Variants in PRDM5 observed in about 807,000 individuals in gnomAD.
The protein encoded by PRDM5 is PR domain zinc finger protein 5.
Under a neutral mutation model 81.2 loss-of-function variants are expected in PRDM5, and 56 were observed. The observed-to-expected ratio is 0.69, with a 90% CI of 0.56 to 0.86. PRDM5 has a LOEUF of 0.86. Among genes scored for constraint, PRDM5 ranks in the 40% least tolerant of loss-of-function variants. PRDM5 has a pLI of 0.00. For missense variants in PRDM5, 697 were observed against 770.1 expected (o/e 0.91, Z 1.12); for synonymous variants, 267 against 256.4 (o/e 1.04, Z -0.39).
chr4:120,873,029 T>C (rs1761995410), intron 2 of PRDM5, among the ~76,000 whole-genome samples: 1 of 151,946 alleles, frequency 6.6e-6, no homozygotes, highest in South Asian at 2.1e-4. Flanking sequence ...TGAGACAGAG[T>C]CTTACTCCAT....
chr4:120,784,976 AACT>A lies in PRDM5; in HGVS notation c.1282+19_1282+21del. On this transcript the variant is annotated intron_variant, in intron 11 of 15. Transcript: ENST00000264808. ...GTATGAGATAATTCCTTATATTCTC[AACT>A]GCCTGAATCGTGACTTACTGTTATG... The A allele has an allele frequency of 6.5e-7, 1 of 1,541,218 alleles. No homozygotes were observed. Among genetic ancestry groups the A allele is most frequent in the Non-Finnish European group, 9.0e-7 (1 of 1,114,122 alleles).
chr4:120,716,538 T>C (rs1235683457), intron 14 of PRDM5, among the ~76,000 whole-genome samples: 4 of 152,148 alleles, frequency 2.6e-5, no homozygotes, highest in African/African-American at 9.7e-5. Context: ...TAACTAAGTA[T>C]ATCAACAGGC....
intron 15 of PRDM5, among the ~76,000 whole-genome samples, chr4:120,700,865 C>T (rs1043377146): frequency 2.0e-5 from 3 of 152,152 alleles, no homozygotes; most frequent in Non-Finnish European, 2.9e-5. Context: ...TGGCTCACAT[C>T]TATAATCCCA....
At chr4:120,794,271 C>G (rs1751015504) in intron 10 of PRDM5, among the ~76,000 whole-genome samples, 1 of 151,974 alleles carries the variant, frequency 6.6e-6, no homozygotes, top group Admixed American at 6.6e-5. Flanking sequence ...TGTGCTCTAA[C>G]TGTTGAGTGA....
chr4:120,718,150 C>G (rs562233398), intron 14 of PRDM5, among the ~76,000 whole-genome samples: 1 of 152,194 alleles, frequency 6.6e-6, no homozygotes, highest in African/African-American at 2.4e-5. Context: ...TAGGGATACA[C>G]CTTTTCTCTA....
At chr4:120,821,129 A>G in intron 4 of PRDM5, 42 bp downstream of exon 4, 2 of 1,594,482 alleles carry the variant, frequency 1.3e-6, no homozygotes, top group South Asian at 1.1e-5. Context: ...ACTTTTTTCT[A>G]CAACTTTTCT....
chr4:120,762,728 T>C (rs965666499), intron 13 of PRDM5: 2 of 152,236 alleles, frequency 1.3e-5, no homozygotes, highest in East Asian at 3.9e-4. Flanking sequence ...ATTGAAATAC[T>C]TTTTTTCCCC....
chr4:120,762,477 G>A (rs1745769189), intron 13 of PRDM5: 1 of 152,078 alleles, frequency 6.6e-6, no homozygotes, highest in Non-Finnish European at 1.5e-5. Flanking sequence ...TCAGGGGACT[G>A]GCTTATTTTG....
chr4:120,803,304 C>T (rs757314002), intron 8 of PRDM5, among the ~76,000 whole-genome samples: 4 of 152,130 alleles, frequency 2.6e-5, no homozygotes, highest in African/African-American at 4.8e-5. Flanking sequence ...TCCAGGAGAA[C>T]TTACCCAACC....
intron 3 of PRDM5, among the ~76,000 whole-genome samples, chr4:120,842,139 A>G (rs1758111458): frequency 6.6e-6 from 1 of 152,170 alleles, no homozygotes; most frequent in South Asian, 2.1e-4. Flanking sequence ...GTCTGTGGTT[A>G]TATCTGTAAA....
In PRDM5 at chr4:120,749,724, C is replaced by G. The variant is rs77956626; in HGVS notation, c.1623+4829G>C. Reference sequence around the variant, plus strand: ...GTGGAACATGAAACTCGCAGGTGTTCTGTTCCAGGCAATGACCCGTGGCCT... The same window carrying G: ...GTGGAACATGAAACTCGCAGGTGTTGTGTTCCAGGCAATGACCCGTGGCCT... On this transcript the variant is annotated intron_variant, in intron 14 of 15. Coordinates refer to ENST00000264808, the MANE Select transcript of PRDM5 (RefSeq NM_018699.4). 3.1e-3 allele frequency among the ~76,000 whole-genome samples: 474 copies of G among 152,300 alleles called. 3 individuals carry two copies. The highest frequency in any genetic ancestry group is 0.011 in the African/African-American group (452 of 41,572).
chr4:120,777,106 G>T (rs764846076), intron 13 of PRDM5, 82 bp downstream of exon 13: 2 of 1,607,360 alleles, frequency 1.2e-6, no homozygotes, highest in African/African-American at 1.3e-5. Context: ...GAAGATATTT[G>T]TATTATTACA....
At chr4:120,838,969 G>A (rs1757681613) in intron 3 of PRDM5, 1 of 521,880 alleles carries the variant, frequency 1.9e-6, no homozygotes, top group East Asian at 3.0e-5. Context: ...GGCAGCTCCA[G>A]GTGCCAGCAC....
At chr4:120,883,083 C>T (rs1763021079) in intron 2 of PRDM5, among the ~76,000 whole-genome samples, 1 of 152,282 alleles carries the variant, frequency 6.6e-6, no homozygotes, top group South Asian at 2.1e-4. Flanking sequence ...CATTTGTATG[C>T]TTAAGGTTAA....
chr4:120,803,966 G>A (rs1451375876), intron 8 of PRDM5, among the ~76,000 whole-genome samples: 4 of 152,126 alleles, frequency 2.6e-5, no homozygotes, highest in African/African-American at 4.8e-5. Context: ...CCCATCTCAC[G>A]TGCAGAGTCA....
chr4:120,781,144 T>G lies in PRDM5; in HGVS notation c.1442A>C (p.Lys481Thr). 1 of 1,612,508 alleles carries G rather than the reference T, an allele frequency of 6.2e-7. No homozygotes were observed. The highest frequency in any genetic ancestry group is 8.5e-7 in the Non-Finnish European group (1 of 1,178,810). The part of the protein sequence containing the change: ...VTPSVLRSHK[K>T]THTGEKEKIC... Reference sequence around the variant, plus strand: ...AACTAACAGAAGACTTCCACTTACTTTCTTATGACTTCTAAGCACTGAAGG... The same window carrying G: ...AACTAACAGAAGACTTCCACTTACTGTCTTATGACTTCTAAGCACTGAAGG... The change falls in exon 12 of 16, where the codon AAA becomes ACA. Residue 481 changes from lysine (K) to threonine (T), a missense_variant and splice_region_variant. Transcript: ENST00000264808.
At chr4:120,716,118 T>C (rs1265739292) in intron 14 of PRDM5, among the ~76,000 whole-genome samples, 2 of 152,214 alleles carry the variant, frequency 1.3e-5, no homozygotes, top group Non-Finnish European at 2.9e-5. Context: ...TAATGTCTTA[T>C]ATACTTACAC....
At chr4:120,712,611 T>C (rs1397775) in intron 14 of PRDM5, among the ~76,000 whole-genome samples, 33,272 of 152,176 alleles carry the variant, frequency 0.22, 3,887 homozygotes, top group Non-Finnish European at 0.28. Flanking sequence ...TACCTATGTA[T>C]GAATGGAACC....
chr4:120,789,643 C>T (rs1380639072), intron 10 of PRDM5, among the ~76,000 whole-genome samples: 1 of 152,090 alleles, frequency 6.6e-6, no homozygotes, highest in African/African-American at 2.4e-5. Context: ...GTGGGCCACA[C>T]AATAAAGCTA....
Sources: allele counts gnomAD v4.1 joint callset (sites outside exome capture counted in the v4.1 genomes callset), GRCh38; gene constraint gnomAD v4.1.1; transcripts MANE v1.5; gene names NCBI Gene and HGNC (gene_info 2026-07-23, HGNC 2026-07-21).